The following GPC5 variants were observed in gnomAD, a reference collection of about 807,000 sequenced individuals.
GPC5 encodes glypican 5.
Under a neutral mutation model 53.9 loss-of-function variants are expected in GPC5, and 47 were observed. The observed-to-expected ratio is 0.87, with a 90% CI of 0.69 to 1.11. The LOEUF is 1.11. GPC5 is among the 50% of genes most tolerant of loss of function. GPC5 has a pLI of 0.00. For synonymous variants in GPC5, 286 were observed against 263.3 expected (o/e 1.09, Z -0.84); for missense variants, 748 against 713.1 (o/e 1.05, Z -0.56).
At chr13:92,311,864 T>C (rs1387647894) in intron 7 of GPC5, among the ~76,000 whole-genome samples, 2 of 152,094 alleles carry the variant, frequency 1.3e-5, no homozygotes, top group African/African-American at 2.4e-5. Context: ...AACCTTTGGC[T>C]GATGTCTGTA....
chr13:91,632,904 G>A (rs945286408), intron 2 of GPC5, among the ~76,000 whole-genome samples: 1 of 152,070 alleles, frequency 6.6e-6, no homozygotes, highest in Non-Finnish European at 1.5e-5. Context: ...AGGCCAAAGA[G>A]GACAGGTTTC....
chr13:92,840,108 T>TATATATATAC (rs1878384920), intron 7 of GPC5, among the ~76,000 whole-genome samples: 1 of 78,640 alleles, frequency 1.3e-5, no homozygotes, highest in African/African-American at 3.7e-5. Flanking sequence ...TATATATATA[T>TATATATATAC]ATATATATAT....
chr13:92,228,268 CAA>C (rs2042503535), intron 7 of GPC5, among the ~76,000 whole-genome samples: 1 of 151,574 alleles, frequency 6.6e-6, no homozygotes, highest in Admixed American at 6.6e-5. Context: ...TTGATTTCTC[CAA>C]AGAGTTGAAT....
intron 7 of GPC5, among the ~76,000 whole-genome samples, chr13:92,352,158 T>C (rs532776715): frequency 4.6e-4 from 70 of 152,140 alleles, no homozygotes; most frequent in African/African-American, 1.6e-3. Context: ...TATGACAAAA[T>C]TGGCATGCCA....
At chr13:92,183,075 A>G (rs2139038027) in intron 7 of GPC5, among the ~76,000 whole-genome samples, 1 of 152,318 alleles carries the variant, frequency 6.6e-6, no homozygotes, top group East Asian at 1.9e-4. Flanking sequence ...TAATAGAGGT[A>G]AAGTTGGTTT....
At chr13:92,130,892 T>C (rs2041737700) in intron 6 of GPC5, among the ~76,000 whole-genome samples, 1 of 151,206 alleles carries the variant, frequency 6.6e-6, no homozygotes, top group Non-Finnish European at 1.5e-5. Flanking sequence ...TTTAATAAGA[T>C]GAAAAATAAA....
chr13:91,433,894 T>G (rs1288779536), intron 1 of GPC5, among the ~76,000 whole-genome samples: 1 of 152,010 alleles, frequency 6.6e-6, no homozygotes, highest in African/African-American at 2.4e-5. Context: ...ATCGCCAGTC[T>G]AACTGGTGTG....
At chr13:92,254,739 G>T (rs565168024) in intron 7 of GPC5, among the ~76,000 whole-genome samples, 88 of 152,292 alleles carry the variant, frequency 5.8e-4, no homozygotes, top group African/African-American at 2.1e-3. Flanking sequence ...TGGCAGGACA[G>T]AGAAGTGCAG....
At chr13:91,576,989 C>A (rs1290539135) in intron 2 of GPC5, among the ~76,000 whole-genome samples, 2 of 151,898 alleles carry the variant, frequency 1.3e-5, no homozygotes, top group Admixed American at 6.6e-5. Flanking sequence ...TCCTTCTTTT[C>A]TTGTATCAGA....
chr13:92,634,580 T>G (rs1885355078), intron 7 of GPC5, among the ~76,000 whole-genome samples: 1 of 152,158 alleles, frequency 6.6e-6, no homozygotes, highest in Non-Finnish European at 1.5e-5. Context: ...TTATTCATCC[T>G]GCCTAACCGA....
chr13:91,739,609 G>A (rs892636958), intron 4 of GPC5, among the ~76,000 whole-genome samples: 1 of 151,164 alleles, frequency 6.6e-6, no homozygotes, highest in Non-Finnish European at 1.5e-5. Context: ...TCACATGGCT[G>A]TTGGTGGGAG....
intron 5 of GPC5, among the ~76,000 whole-genome samples, chr13:91,848,713 G>A (rs143969101): frequency 1.3e-5 from 2 of 152,314 alleles, no homozygotes; most frequent in East Asian, 3.9e-4. Flanking sequence ...AACCATAGTA[G>A]TAAAGCTTTC....
intron 6 of GPC5, among the ~76,000 whole-genome samples, chr13:92,122,085 A>G (rs1214047222): frequency 6.6e-6 from 1 of 152,180 alleles, no homozygotes; most frequent in Non-Finnish European, 1.5e-5. Flanking sequence ...ATCACATGGT[A>G]TACCGAAATA....
At chr13:92,156,349 A>G (rs2041945025) in intron 7 of GPC5, among the ~76,000 whole-genome samples, 1 of 152,132 alleles carries the variant, frequency 6.6e-6, no homozygotes, top group African/African-American at 2.4e-5. Context: ...GCATCCACCC[A>G]TTATTAGTGT....
intron 3 of GPC5, among the ~76,000 whole-genome samples, chr13:91,727,242 A>G (rs1379812360): frequency 1.3e-5 from 2 of 152,196 alleles, no homozygotes; most frequent in Non-Finnish European, 1.5e-5. Context: ...ATAAACCTCA[A>G]CATATCCAGG....
intron 6 of GPC5, among the ~76,000 whole-genome samples, chr13:91,974,664 G>A: frequency 6.6e-6 from 1 of 152,180 alleles, no homozygotes; most frequent in Admixed American, 6.5e-5. Context: ...TGGGTAGGAA[G>A]AATCAATATG....
intron 6 of GPC5, among the ~76,000 whole-genome samples, chr13:91,914,667 G>GATATAA (rs1373641713): frequency 2.0e-5 from 3 of 148,872 alleles, no homozygotes; most frequent in Non-Finnish European, 3.0e-5. Context: ...TCTGTTCTTA[G>GATATAA]GATACCGATA....
At chr13:92,739,333 C>T (rs1307164785) in intron 7 of GPC5, among the ~76,000 whole-genome samples, 2 of 151,858 alleles carry the variant, frequency 1.3e-5, no homozygotes, top group African/African-American at 4.8e-5. Flanking sequence ...GATAAACAAA[C>T]ATTGACCTAA....
At chr13:91,422,833 C>T (rs1878740160) in intron 1 of GPC5, among the ~76,000 whole-genome samples, 1 of 151,972 alleles carries the variant, frequency 6.6e-6, no homozygotes, top group South Asian at 2.1e-4. Flanking sequence ...CATGATAGTC[C>T]ATTAATTCAT....
Sources: gnomAD v4.1 joint callset for allele counts (sites outside exome capture counted in the v4.1 genomes callset) on GRCh38, gnomAD v4.1.1 for gene constraint, MANE v1.5 for transcripts, NCBI Gene and HGNC (gene_info 2026-07-23, HGNC 2026-07-21) for gene names.